Variants in HMCN1 observed in about 807,000 individuals in gnomAD.
HMCN1 encodes hemicentin-1.
In HMCN1, 321 loss-of-function variants were observed where a neutral mutation model predicts 625.9. The observed-to-expected ratio is 0.51, with a 90% CI of 0.47 to 0.56. HMCN1 has a LOEUF of 0.56. Among genes scored for constraint, HMCN1 ranks in the 20% least tolerant of loss-of-function variants. HMCN1 has a pLI of 0.00. For missense variants in HMCN1, 6,588 were observed against 6,887.3 expected (o/e 0.96, Z 1.54); for synonymous variants, 2,425 against 2,417.6 (o/e 1.00, Z -0.09).
chr1:185,990,398 T>G lies in HMCN1; in HGVS notation c.3332T>G (p.Ile1111Ser), dbSNP rs754473776. ...GTGAAGAGCTTACCTCCACCCATAA[T>G]TACTTGGGCCAAAGAAACCCAGCTC... ...CEVKSLPPPI[I>S]TWAKETQLIS... The change falls in exon 22 of 107, where the codon ATT becomes AGT. Residue 1111 changes from isoleucine to serine, a missense_variant. Coordinates refer to ENST00000271588, the MANE Select transcript of HMCN1 (RefSeq NM_031935.3). The G allele has an allele frequency of 6.2e-7, 1 of 1,614,092 alleles. No individual in the cohort carries two copies. The highest frequency in any genetic ancestry group is 8.5e-7 in the Non-Finnish European group (1 of 1,179,950).
intron 30 of HMCN1, among the ~76,000 whole-genome samples, chr1:186,010,842 C>G (rs1653953745): frequency 6.6e-6 from 1 of 151,984 alleles, no homozygotes; most frequent in South Asian, 2.1e-4. Context: ...AATATAGATA[C>G]TTATAAGAAA....
At chr1:185,766,580 G>C (rs1655888582) in intron 1 of HMCN1, among the ~76,000 whole-genome samples, 1 of 152,098 alleles carries the variant, frequency 6.6e-6, no homozygotes, top group Non-Finnish European at 1.5e-5. Context: ...TCTTTGAGAA[G>C]TTTTAGCCAA....
intron 30 of HMCN1, among the ~76,000 whole-genome samples, chr1:186,007,765 C>A (rs1032584608): frequency 6.6e-6 from 1 of 152,086 alleles, no homozygotes; most frequent in Non-Finnish European, 1.5e-5. Flanking sequence ...ATGTCCCCAC[C>A]AAATATATGT....
chr1:185,910,572 CTTT>C (rs530690323), intron 5 of HMCN1, among the ~76,000 whole-genome samples: 9 of 140,260 alleles, frequency 6.4e-5, no homozygotes, highest in Non-Finnish European at 3.1e-5. Context: ...TTTCTTCCTT[CTTT>C]TTTTTTTTTT....
chr1:186,008,967 T>C (rs975563460), intron 30 of HMCN1, among the ~76,000 whole-genome samples: 18 of 152,178 alleles, frequency 1.2e-4, no homozygotes, highest in Non-Finnish European at 2.6e-4. Context: ...TTTAAATCAT[T>C]TATATCTATA....
chr1:186,117,194 CTTTTCTTTTT>C, intron 76 of HMCN1, 79 bp downstream of exon 76: 1 of 1,568,074 alleles, frequency 6.4e-7, no homozygotes, highest in Non-Finnish European at 8.7e-7. Flanking sequence ...AAAGGGATCC[CTTTTCTTTTT>C]TTTTTTAAAC....
chr1:186,090,183 T>C (rs1659760696), intron 63 of HMCN1, among the ~76,000 whole-genome samples: 1 of 87,156 alleles, frequency 1.1e-5, no homozygotes, highest in African/African-American at 9.9e-5. Context: ...GCAATATTTC[T>C]CAGTGAAATC....
chr1:185,794,895 A>C (rs566514820), intron 1 of HMCN1, among the ~76,000 whole-genome samples: 1 of 152,348 alleles, frequency 6.6e-6, no homozygotes, highest in South Asian at 2.1e-4. Flanking sequence ...CACTATATTT[A>C]TATATTCTCT....
rs1224950061 is a variant in HMCN1, at chr1:186,001,730, T to C, written c.4337T>C (p.Ile1446Thr). The C allele has an allele frequency of 3.1e-5, 50 of 1,611,790 alleles. No individual in the cohort carries two copies. The highest frequency in any genetic ancestry group is 4.1e-5 in the Non-Finnish European group (48 of 1,178,420). Residue 1446 changes from isoleucine (I) to threonine (T), a missense_variant, in exon 28 of 107, where the codon ATT (isoleucine) becomes ACT (threonine). Coordinates refer to ENST00000271588, the MANE Select transcript of HMCN1 (RefSeq NM_031935.3). Reference sequence around the variant, plus strand: ...GGCACTTCTCAGAAGTACTTTAACATTGATGTGCTAGGTAAGAAATACATC... The same window carrying C: ...GGCACTTCTCAGAAGTACTTTAACACTGATGTGCTAGGTAAGAAATACATC... ...IAGTSQKYFN[I>T]DVLVPPTIIG...
At chr1:185,963,150 G>A (rs1650147965) in intron 12 of HMCN1, among the ~76,000 whole-genome samples, 1 of 152,092 alleles carries the variant, frequency 6.6e-6, no homozygotes, top group Non-Finnish European at 1.5e-5. Context: ...CTTTTTAAAA[G>A]CATTGAATCC....
chr1:185,779,443 T>C (rs1431862027), intron 1 of HMCN1, among the ~76,000 whole-genome samples: 1 of 152,342 alleles, frequency 6.6e-6, no homozygotes, highest in South Asian at 2.1e-4. Flanking sequence ...CTGAATGGTA[T>C]TGCCTAAGTT....
At chr1:185,998,656 C>T (rs1361080968) in intron 25 of HMCN1, among the ~76,000 whole-genome samples, 2 of 152,070 alleles carry the variant, frequency 1.3e-5, no homozygotes, top group Admixed American at 6.6e-5. Flanking sequence ...CCCTTTTCCA[C>T]CTAGAAAAAC....
At position 185,923,353 on chromosome 1, in the gene HMCN1, G is replaced by C. The variant is rs77812080; in HGVS notation, c.1022-37G>C. The C allele has an allele frequency of 1.0e-3, 1,592 of 1,527,570 alleles. 29 individuals are homozygous for C. In the East Asian group the frequency reaches 0.034, roughly 32 times the overall value. The allele number at this position is 1,527,570 out of a possible 1,614,324, so 94.6% of individuals were successfully genotyped here. On this transcript the variant is annotated intron_variant, in intron 7 of 106. Transcript: ENST00000271588. ...ATTTGATATATAACTTCAATTGCTT[G>C]TTTCTTGTAAATGATAACAAAATCT...
At chr1:185,784,917 C>G (rs1657454438) in intron 1 of HMCN1, among the ~76,000 whole-genome samples, 3 of 152,172 alleles carry the variant, frequency 2.0e-5, no homozygotes, top group African/African-American at 7.2e-5. Context: ...GTTCTGATAT[C>G]TGTCGTGGAT....
chr1:186,106,941 A>C lies in HMCN1; in HGVS notation c.10828A>C (p.Lys3610Gln). The C allele has an allele frequency of 6.2e-7, 1 of 1,611,212 alleles. No individual in the cohort carries two copies. The highest frequency in any genetic ancestry group is 8.5e-7 in the Non-Finnish European group (1 of 1,177,336). ...ATCCAGTCCTGCAGGAGATGATGAT[A>C]AGGAATATCTAGTGAGAGTGCATGG... is the stretch of plus-strand genomic sequence containing the variant. ...LASSPAGDDD[K>Q]EYLVRVHVPP... Residue 3610 changes from lysine (K) to glutamine (Q), a missense_variant, in exon 70 of 107, where the codon AAG becomes CAG. Transcript: ENST00000271588.
At chr1:185,745,579 G>A (rs1654334733) in intron 1 of HMCN1, among the ~76,000 whole-genome samples, 1 of 152,096 alleles carries the variant, frequency 6.6e-6, no homozygotes, top group Admixed American at 6.5e-5. Context: ...CTCATATTTT[G>A]GCACACTAGT....
chr1:185,966,028 T>C (rs1361050779), intron 14 of HMCN1, 113 bp downstream of exon 14: 2 of 736,138 alleles, frequency 2.7e-6, no homozygotes, highest in Non-Finnish European at 4.9e-6. Flanking sequence ...CCATAAAATG[T>C]GTTTATGATC....
chr1:185,894,087 A>G (rs1188850268), intron 4 of HMCN1, among the ~76,000 whole-genome samples: 1 of 152,132 alleles, frequency 6.6e-6, no homozygotes, highest in East Asian at 1.9e-4. Flanking sequence ...GTGAGCCAAG[A>G]TCGCAACACT....
intron 87 of HMCN1, 93 bp downstream of exon 87, chr1:186,137,030 CACCTT>C: frequency 7.0e-7 from 1 of 1,419,670 alleles, no homozygotes; most frequent in South Asian, 1.2e-5. Flanking sequence ...AGTCTCCTGT[CACCTT>C]AACATACTTT....
Sources: gnomAD v4.1 joint callset for allele counts (sites outside exome capture counted in the v4.1 genomes callset) on GRCh38, gnomAD v4.1.1 for gene constraint, MANE v1.5 for transcripts, NCBI Gene and HGNC (gene_info 2026-07-23, HGNC 2026-07-21) for gene names.